Variants in KLF17 observed in about 807,000 individuals in gnomAD.
The protein encoded by KLF17 is KLF transcription factor 17.
In KLF17, 31 loss-of-function variants were observed where a neutral mutation model predicts 34.2. That is an observed-to-expected ratio of 0.91 (90% CI 0.68 to 1.22). The LOEUF is 1.22. KLF17 is among the 50% of genes most tolerant of loss of function. The pLI is 0.00. For synonymous variants in KLF17, 179 were observed against 186.7 expected (o/e 0.96, Z 0.34); for missense variants, 478 against 505.2 (o/e 0.95, Z 0.52).
intron 1 of KLF17, among the ~76,000 whole-genome samples, chr1:44,127,630 T>TTTTCTTTTCTTTC (rs1553171622): frequency 1.3e-4 from 6 of 45,926 alleles, no homozygotes; most frequent in South Asian, 6.7e-4. Flanking sequence ...TTTTCTTTTC[T>TTTTCTTTTCTTTC]TTTCTTTCCT....
At chr1:44,070,479 G>A in the KLF17 span, among the ~76,000 whole-genome samples, 10 of 151,812 alleles carry the variant, frequency 6.6e-5, no homozygotes, top group African/African-American at 2.4e-4. Context: ...GTTTCACTTA[G>A]GATAATGGCC....
At chr1:44,109,255 C>A in the KLF17 span, among the ~76,000 whole-genome samples, 1 of 152,164 alleles carries the variant, frequency 6.6e-6, no homozygotes, top group Non-Finnish European at 1.5e-5. Context: ...ATTAAAGGGG[C>A]TTTGTCCTGA....
the KLF17 span, among the ~76,000 whole-genome samples, chr1:44,071,568 C>A: frequency 1.3e-5 from 2 of 152,158 alleles, no homozygotes; most frequent in Non-Finnish European, 2.9e-5. Flanking sequence ...ACCCTGCCTA[C>A]AACCAACAGT....
the KLF17 span, among the ~76,000 whole-genome samples, chr1:44,092,591 G>A: frequency 1.6e-4 from 24 of 151,590 alleles, 1 homozygote; most frequent in South Asian, 2.1e-3. Flanking sequence ...ATGAATTGTC[G>A]TCTTCAGGCA....
Position 44,129,440 on chromosome 1 carries a change from A to G in KLF17, c.169A>G (p.Ser57Gly). Reference sequence around the variant, plus strand: ...CACCTCTTGGAACCAAGGCCTACCAAGCATTCAGCACTTTCCTCACAGCGC... The same window carrying G: ...CACCTCTTGGAACCAAGGCCTACCAGGCATTCAGCACTTTCCTCACAGCGC... ...VHTSWNQGLP[S>G]IQHFPHSAEM... The change falls in exon 2 of 4, where the codon AGC (serine) becomes GGC (glycine). Residue 57 changes from serine to glycine, a missense_variant. Physicochemically the swap from Ser to Gly is moderately conservative, Grantham distance 56. Transcript: ENST00000372299. The G allele has an allele frequency of 1.1e-5, 18 of 1,595,048 alleles. No individual in the cohort carries two copies. Among genetic ancestry groups the G allele is most frequent in the Non-Finnish European group, 1.5e-5 (17 of 1,169,634 alleles).
At chr1:44,121,724 G>C (rs2087947916) in intron 1 of KLF17, among the ~76,000 whole-genome samples, 1 of 152,116 alleles carries the variant, frequency 6.6e-6, no homozygotes, top group Admixed American at 6.5e-5. Context: ...AGATCTTACA[G>C]CTTAACTGGA....
the KLF17 span, among the ~76,000 whole-genome samples, chr1:44,078,524 G>A: frequency 3.4e-5 from 5 of 149,142 alleles, no homozygotes; most frequent in Non-Finnish European, 5.9e-5. Context: ...TGCAACCTCC[G>A]CCTCCTGGGT....
the KLF17 span, among the ~76,000 whole-genome samples, chr1:44,068,354 G>A: frequency 6.6e-6 from 1 of 152,120 alleles, no homozygotes; most frequent in South Asian, 2.1e-4. Context: ...TCTGGGTCCT[G>A]AGCACTTCAC....
the KLF17 span, among the ~76,000 whole-genome samples, chr1:44,084,953 C>G: frequency 6.6e-6 from 1 of 150,708 alleles, no homozygotes; most frequent in African/African-American, 2.4e-5. Context: ...AATTACCAAG[C>G]CATAATCTGG....
chr1:44,127,157 C>T (rs2088018597), intron 1 of KLF17, among the ~76,000 whole-genome samples: 1 of 151,836 alleles, frequency 6.6e-6, no homozygotes, highest in South Asian at 2.1e-4. Flanking sequence ...GATCCTTCCA[C>T]CTGGGCCTCC....
At chr1:44,094,561 C>T in the KLF17 span, among the ~76,000 whole-genome samples, 19 of 152,284 alleles carry the variant, frequency 1.2e-4, no homozygotes, top group African/African-American at 4.6e-4. Flanking sequence ...CTGACTATGG[C>T]TATCCATTTT....
At chr1:44,059,418 G>A in the KLF17 span, among the ~76,000 whole-genome samples, 1 of 152,126 alleles carries the variant, frequency 6.6e-6, no homozygotes, top group South Asian at 2.1e-4. Context: ...GTGCAGGTGG[G>A]AACATAACCC....
upstream of KLF17, chr1:44,115,041 G>A (rs1463784935): frequency 6.6e-6 from 1 of 152,160 alleles, no homozygotes; most frequent in Admixed American, 6.5e-5. Context: ...TTACACTGTA[G>A]ATTCAGAATA....
chr1:44,082,479 G>A, the KLF17 span, among the ~76,000 whole-genome samples: 8 of 152,306 alleles, frequency 5.3e-5, no homozygotes, highest in East Asian at 7.7e-4. Flanking sequence ...TCCTAGACCA[G>A]CAGCAGTCAG....
the KLF17 span, among the ~76,000 whole-genome samples, chr1:44,081,151 A>G: frequency 1.6e-4 from 24 of 150,686 alleles, 1 homozygote; most frequent in Admixed American, 1.1e-3. Context: ...TGTTGTGCCT[A>G]GGAGGCAGAG....
the KLF17 span, among the ~76,000 whole-genome samples, chr1:44,077,946 G>A: frequency 2.6e-5 from 4 of 152,176 alleles, no homozygotes; most frequent in African/African-American, 7.2e-5. Flanking sequence ...TGTTGCAGCC[G>A]TCTTTGGAAA....
chr1:44,080,735 T>TTTTTTTG, the KLF17 span, among the ~76,000 whole-genome samples: 1 of 136,838 alleles, frequency 7.3e-6, no homozygotes, highest in African/African-American at 3.1e-5. Flanking sequence ...TTTTTTTTTT[T>TTTTTTTG]GCAGGATCTT....
At chr1:44,108,660 C>CTTTTTTTTTTTT in the KLF17 span, among the ~76,000 whole-genome samples, 3 of 75,334 alleles carry the variant, frequency 4.0e-5, no homozygotes, top group Non-Finnish European at 4.7e-5. Flanking sequence ...TTTGTTAGCT[C>CTTTTTTTTTTTT]TTTTTTTTTT....
the KLF17 span, among the ~76,000 whole-genome samples, chr1:44,099,864 A>C: frequency 1.6e-5 from 1 of 62,194 alleles, no homozygotes; most frequent in African/African-American, 4.9e-5. Context: ...AAAGAAAGAA[A>C]GAAAGAAAGA....
Sources: allele counts gnomAD v4.1 joint callset (sites outside exome capture counted in the v4.1 genomes callset), GRCh38; gene constraint gnomAD v4.1.1; transcripts MANE v1.5; gene names NCBI Gene and HGNC (gene_info 2026-07-23, HGNC 2026-07-21).